Variants in TBX15 observed in about 807,000 individuals in gnomAD.
TBX15 encodes the protein T-box transcription factor TBX15.
TBX15 carries 18 observed loss-of-function variants against 53.9 expected under a neutral mutation model. The ratio of observed to expected loss-of-function variants is 0.33; its 90% confidence interval spans 0.23 to 0.49. The LOEUF is 0.49. TBX15 is among the 20% of genes least tolerant of loss of function. TBX15 has a pLI of 0.98. For synonymous variants in TBX15, 295 were observed against 278.0 expected (o/e 1.06, Z -0.61); for missense variants, 692 against 749.5 (o/e 0.92, Z 0.90).
At chr1:118,905,214 G>A (rs1392463938) in intron 6 of TBX15, among the ~76,000 whole-genome samples, 2 of 152,024 alleles carry the variant, frequency 1.3e-5, no homozygotes, top group South Asian at 2.1e-4. Flanking sequence ...TCCATTTTTC[G>A]TTGTCTTCTC....
chr1:118,965,077 C>A (rs779496808), intron 1 of TBX15, among the ~76,000 whole-genome samples: 15 of 152,190 alleles, frequency 9.9e-5, no homozygotes, highest in Non-Finnish European at 2.2e-4. Flanking sequence ...GACTGACATG[C>A]CTTTTATTCT....
In TBX15 at chr1:118,923,652, A is replaced by G. The variant is rs4659129; in HGVS notation, c.694-49T>C. ...CCAGGCTTGGCTTTAAGGAACCTAC[A>G]TTTTGTTCTCATGCAAAAATAAATC... On this transcript the variant is annotated intron_variant, in intron 4 of 7. Transcript: ENST00000369429. 1,080,543 of 1,609,048 alleles carry G rather than the reference A, an allele frequency of 0.67. 364,056 individuals are homozygous for G. The highest frequency in any genetic ancestry group is 0.77 in the East Asian group (34,319 of 44,810).
intron 1 of TBX15, among the ~76,000 whole-genome samples, chr1:118,979,710 C>T (rs890902719): frequency 2.6e-5 from 4 of 152,234 alleles, no homozygotes; most frequent in Admixed American, 2.6e-4. Context: ...AGGGTCCCCA[C>T]ATTTCTCCAG....
intron 1 of TBX15, 93 bp from the exon 2 acceptor site, chr1:118,931,925 G>A: frequency 8.1e-7 from 1 of 1,239,318 alleles, no homozygotes; most frequent in Non-Finnish European, 1.1e-6. Flanking sequence ...GCAATGAAGT[G>A]GGGAGAGGGG....
chr1:118,966,237 G>C (rs1657029432), intron 1 of TBX15, among the ~76,000 whole-genome samples: 1 of 152,188 alleles, frequency 6.6e-6, no homozygotes, highest in Admixed American at 6.5e-5. Context: ...TTTTGATTCA[G>C]TCTTTCAGGG....
At chr1:118,891,744 A>G (rs996257843) in intron 7 of TBX15, among the ~76,000 whole-genome samples, 2 of 152,186 alleles carry the variant, frequency 1.3e-5, no homozygotes, top group African/African-American at 4.8e-5. Flanking sequence ...CCATGGGGAA[A>G]CTGAGAATAA....
intron 1 of TBX15, among the ~76,000 whole-genome samples, chr1:118,975,415 T>C (rs1056516794): frequency 1.6e-4 from 24 of 152,218 alleles, no homozygotes; most frequent in African/African-American, 5.8e-4. Flanking sequence ...CAATTTCTGT[T>C]TTGGTGACAA....
At chr1:118,896,467 C>A (rs77918705) in intron 7 of TBX15, among the ~76,000 whole-genome samples, 1,649 of 152,214 alleles carry the variant, frequency 0.011, 30 homozygotes, top group African/African-American at 0.038. Flanking sequence ...CTCATCTATG[C>A]AGAAAGACAG....
In TBX15 at chr1:118,931,672, G is replaced by A; in HGVS notation, c.366C>T (p.Leu122=). The A allele has an allele frequency of 1.2e-6, 2 of 1,614,120 alleles. No homozygotes were observed. The highest frequency in any genetic ancestry group is 1.3e-5 in the African/African-American group (1 of 75,048). Residue 122 remains leucine (L), a synonymous_variant, in exon 2 of 8, where the codon CTC becomes CTT. Coordinates refer to ENST00000369429, the MANE Select transcript of TBX15 (RefSeq NM_001330677.2). ...EIQVELQCAD[L]WKRFHDIGTE... ...TTCCAATATCATGGAACCGCTTCCA[G>A]AGGTCAGCACATTGCAGCTCCACCT...
chr1:118,946,585 A>G (rs746844266), intron 1 of TBX15, among the ~76,000 whole-genome samples: 3 of 152,226 alleles, frequency 2.0e-5, no homozygotes, highest in South Asian at 2.1e-4. Context: ...ATTCAAAAGA[A>G]TATGACACAG....
chr1:118,966,180 C>A (rs934640547), intron 1 of TBX15, among the ~76,000 whole-genome samples: 1 of 152,184 alleles, frequency 6.6e-6, no homozygotes, highest in Non-Finnish European at 1.5e-5. Context: ...GTGCACCTGG[C>A]ACTTTAAGAT....
chr1:118,931,470 C>T (rs1218944489), intron 2 of TBX15, 149 bp downstream of exon 2: 12 of 837,392 alleles, frequency 1.4e-5, no homozygotes, highest in Non-Finnish European at 2.2e-5. Context: ...AACAGAACAA[C>T]TTTACCAAGA....
intron 5 of TBX15, among the ~76,000 whole-genome samples, chr1:118,918,980 A>G (rs1428629510): frequency 6.6e-6 from 1 of 152,210 alleles, no homozygotes; most frequent in African/African-American, 2.4e-5. Flanking sequence ...ACCTTAGCCC[A>G]TATGAAAAAG....
intron 1 of TBX15, among the ~76,000 whole-genome samples, chr1:118,936,692 A>C (rs1217098196): frequency 6.6e-6 from 1 of 152,144 alleles, no homozygotes; most frequent in Admixed American, 6.5e-5. Context: ...AGCTCTTACT[A>C]TTTGTCAGGC....
At chr1:118,904,088 T>A (rs1414054545) in intron 6 of TBX15, among the ~76,000 whole-genome samples, 3 of 152,080 alleles carry the variant, frequency 2.0e-5, no homozygotes, top group Non-Finnish European at 4.4e-5. Flanking sequence ...GGGACATAGT[T>A]CAGGGTGACT....
intron 3 of TBX15, among the ~76,000 whole-genome samples, chr1:118,925,388 T>G (rs2101597148): frequency 6.6e-6 from 1 of 152,318 alleles, no homozygotes; most frequent in East Asian, 1.9e-4. Context: ...ATGACGGGCC[T>G]TTGCCTCTCT....
intron 3 of TBX15, 22 bp from the exon 4 acceptor site, chr1:118,924,839 G>T (rs749505814): frequency 6.2e-7 from 1 of 1,613,724 alleles, no homozygotes; most frequent in Admixed American, 1.7e-5. Flanking sequence ...AGGAAGAGAG[G>T]AAAATTCAGA....
chr1:118,971,601 T>C (rs1398905126), intron 1 of TBX15, among the ~76,000 whole-genome samples: 1 of 152,224 alleles, frequency 6.6e-6, no homozygotes, highest in Non-Finnish European at 1.5e-5. Context: ...ATGTTGGATG[T>C]CATAAGAAAG....
At chr1:118,986,553 G>T (rs1657843441) in intron 1 of TBX15, among the ~76,000 whole-genome samples, 1 of 152,160 alleles carries the variant, frequency 6.6e-6, no homozygotes, top group South Asian at 2.1e-4. Context: ...CTCTGAGTTG[G>T]ACAGCTTTGT....
Sources: allele counts gnomAD v4.1 joint callset (sites outside exome capture counted in the v4.1 genomes callset), GRCh38; gene constraint gnomAD v4.1.1; transcripts MANE v1.5; gene names NCBI Gene and HGNC (gene_info 2026-07-23, HGNC 2026-07-21).